Variants in TMEM74 observed in about 807,000 individuals in gnomAD.
TMEM74 encodes transmembrane protein 74.
Under a neutral mutation model 18.1 loss-of-function variants are expected in TMEM74, and 13 were observed. The ratio of observed to expected loss-of-function variants is 0.72; its 90% confidence interval spans 0.47 to 1.14. The LOEUF (loss-of-function observed/expected upper bound fraction) is 1.14, where lower values mean the gene tolerates loss of function less well. TMEM74 is among the 50% of genes most tolerant of loss of function. The pLI is 0.00. For synonymous variants in TMEM74, 159 were observed against 146.6 expected, an observed-to-expected ratio of 1.08 and a Z score of -0.61; for missense variants, 372 against 375.9, an observed-to-expected ratio of 0.99 and a Z score of 0.09.
At chr8:108,657,883 T>TATATATATATATATATATATTAATTAC (rs1812859508) in intron 1 of TMEM74, among the ~76,000 whole-genome samples, 1 of 113,804 alleles carries the variant, frequency 8.8e-6, no homozygotes, top group Non-Finnish European at 1.8e-5. Flanking sequence ...TATATATATA[T>TATATATATATATATATATATTAATTAC]ATATATATAT....
At position 108,643,759 on chromosome 8, in the gene TMEM74, GA is replaced by G. The variant is rs71564013; in HGVS notation, n.264+11533del. Reference sequence around the variant, plus strand: ...CATATCCCATTCACAATAGACAAAAGAAAAAAAAAACAACCTAGGAATACCT... The same window carrying G: ...CATATCCCATTCACAATAGACAAAAGAAAAAAAAACAACCTAGGAATACCT... On this transcript the variant is annotated intron_variant and non_coding_transcript_variant, in intron 2 of 3. Coordinates refer to the TMEM74 transcript ENST00000518838. 1.8e-4 allele frequency among the ~76,000 whole-genome samples: 25 copies of G among 142,816 alleles called. No individual in the cohort carries two copies. In the East Asian group the frequency reaches 2.5e-3, roughly 14 times the overall value. The allele number at this position is 142,816 out of a possible 152,430, so 93.7% of individuals were successfully genotyped here. A position where few individuals can be genotyped will look rare whatever the true frequency, so the allele number is the denominator to read the frequency against.
At chr8:108,764,426 G>A (rs77680505) in intron 1 of TMEM74, among the ~76,000 whole-genome samples, 2,740 of 152,234 alleles carry the variant, frequency 0.018, 90 homozygotes, top group African/African-American at 0.062. Context: ...GGGTTAAAAA[G>A]GTGAGAATAA....
At chr8:108,652,945 G>T (rs753998768) in intron 2 of TMEM74, 7 of 311,216 alleles carry the variant, frequency 2.2e-5, no homozygotes, top group Non-Finnish European at 3.8e-5. Flanking sequence ...CTAGCGACTT[G>T]CTAGACATAA....
Position 108,748,205 on chromosome 8 carries a change from C to T in TMEM74, n.119+39271G>A, listed in dbSNP as rs12886672. ...TCTGTGTAAAAGTGTTGCTTTTTCT[C>T]CACTACCTCACTAAGCACCTGTTGT... On this transcript the variant is annotated intron_variant and non_coding_transcript_variant, in intron 1 of 3. Coordinates refer to the TMEM74 transcript ENST00000518838. Among the ~76,000 whole-genome samples, 806 of 152,228 alleles carry T rather than the reference C, an allele frequency of 5.3e-3. 7 individuals carry two copies. Among genetic ancestry groups the T allele is most frequent in the African/African-American group, 0.019 (779 of 41,548 alleles).
rs80220463 is a variant in TMEM74, at chr8:108,627,306, C to T, written n.265-18480G>A. Reference sequence around the variant, plus strand: ...TATGGTATCCAGCTCCTGTGGGCATCTATGCCATCTGGGAAATGATCTATA... The same window carrying T: ...TATGGTATCCAGCTCCTGTGGGCATTTATGCCATCTGGGAAATGATCTATA... On this transcript the variant is annotated intron_variant and non_coding_transcript_variant, in intron 2 of 3. Coordinates refer to the TMEM74 transcript ENST00000518838. 7.2e-3 allele frequency among the ~76,000 whole-genome samples: 1,089 copies of T among 152,066 alleles called. 19 individuals carry two copies. Among genetic ancestry groups the T allele is most frequent in the African/African-American group, 0.024 (989 of 41,538 alleles).
intron 1 of TMEM74, among the ~76,000 whole-genome samples, chr8:108,770,026 C>CT (rs1389322829): frequency 5.9e-5 from 9 of 151,648 alleles, no homozygotes; most frequent in African/African-American, 2.2e-4. Flanking sequence ...CATATCTTAG[C>CT]TTTTTATTGC....
At chr8:108,629,862 A>G (rs1019973471) in intron 2 of TMEM74, among the ~76,000 whole-genome samples, 1 of 152,138 alleles carries the variant, frequency 6.6e-6, no homozygotes, top group Non-Finnish European at 1.5e-5. Context: ...AAAAACTGGT[A>G]CCAGCCACTG....
chr8:108,723,394 G>A (rs1025704846), intron 1 of TMEM74, among the ~76,000 whole-genome samples: 7 of 152,204 alleles, frequency 4.6e-5, no homozygotes, highest in South Asian at 2.1e-4. Flanking sequence ...AACCTTCAGT[G>A]GCTGACCAAG....
chr8:108,635,943 C>G (rs1327805996), intron 2 of TMEM74, among the ~76,000 whole-genome samples: 7 of 152,076 alleles, frequency 4.6e-5, no homozygotes, highest in Admixed American at 4.6e-4. Context: ...TCCTTTCCTT[C>G]ATTCCTTGAT....
rs144570706 is a variant in TMEM74 at position 108,691,497 on chromosome 8, A to G, written n.120-36060T>C. Among the ~76,000 whole-genome samples, 422 of 152,360 alleles carry G rather than the reference A, an allele frequency of 2.8e-3. 3 individuals are homozygous for G. Among genetic ancestry groups the G allele is most frequent in the African/African-American group, 9.4e-3 (392 of 41,582 alleles). On this transcript the variant is annotated intron_variant and non_coding_transcript_variant, in intron 1 of 3. Coordinates refer to the TMEM74 transcript ENST00000518838. ...AAGATCTGAAGTTCGCAATGACTTC[A>G]GCAGATCTGAACTGATAAGTATTAT...
intron 1 of TMEM74, among the ~76,000 whole-genome samples, chr8:108,662,924 T>C (rs1188598716): frequency 1.3e-5 from 2 of 152,130 alleles, no homozygotes; most frequent in Non-Finnish European, 2.9e-5. Flanking sequence ...TCTATTCACA[T>C]GGGGTGTAGC....
At chr8:108,725,612 AGACAGGTAT>A (rs1267486175) in intron 1 of TMEM74, among the ~76,000 whole-genome samples, 1 of 152,194 alleles carries the variant, frequency 6.6e-6, no homozygotes, top group Non-Finnish European at 1.5e-5. Context: ...AGCTATCCTA[AGACAGGTAT>A]GTAGTTTCTG....
intron 2 of TMEM74, among the ~76,000 whole-genome samples, chr8:108,649,433 AT>A (rs1201352350): frequency 6.6e-6 from 1 of 152,132 alleles, no homozygotes; most frequent in African/African-American, 2.4e-5. Flanking sequence ...AATAACTCTT[AT>A]TTATTGTTTG....
In TMEM74 at chr8:108,773,316, T is replaced by C. The variant is rs538606773; in HGVS notation, n.119+14160A>G. Among the ~76,000 whole-genome samples the C allele has an allele frequency of 5.9e-5, 9 of 152,088 alleles. No individual in the cohort carries two copies. In the South Asian group the frequency reaches 1.9e-3, roughly 32 times the overall value. On this transcript the variant is annotated intron_variant and non_coding_transcript_variant, in intron 1 of 3. Coordinates refer to the TMEM74 transcript ENST00000518838. ...AGATCAAATTCAACACTCTCATCAA[T>C]ATATCCTAAAAAAAGATACAGTTAA...
At chr8:108,754,108 C>T (rs1415352357) in intron 1 of TMEM74, among the ~76,000 whole-genome samples, 3 of 152,048 alleles carry the variant, frequency 2.0e-5, no homozygotes, top group African/African-American at 7.2e-5. Context: ...TAATACACAT[C>T]TTTAAATTAT....
At chr8:108,739,960 G>T (rs917488077) in intron 1 of TMEM74, among the ~76,000 whole-genome samples, 12 of 152,122 alleles carry the variant, frequency 7.9e-5, no homozygotes, top group African/African-American at 2.7e-4. Flanking sequence ...AGCTCTGGGA[G>T]CCCACACTAT....
intron 1 of TMEM74, among the ~76,000 whole-genome samples, chr8:108,735,244 A>G (rs1813736634): frequency 1.3e-5 from 2 of 152,252 alleles, no homozygotes; most frequent in African/African-American, 4.8e-5. Context: ...ATTTAATTGT[A>G]TAATTCAATG....
chr8:108,619,291 AG>A (rs745589492), intron 2 of TMEM74, among the ~76,000 whole-genome samples: 1 of 152,220 alleles, frequency 6.6e-6, no homozygotes, highest in South Asian at 2.1e-4. Flanking sequence ...AATTTTTAAA[AG>A]TCCAAGAATA....
intron 1 of TMEM74, among the ~76,000 whole-genome samples, chr8:108,714,260 T>C (rs929263504): frequency 6.6e-6 from 1 of 152,182 alleles, no homozygotes; most frequent in African/African-American, 2.4e-5. Flanking sequence ...GGTAAAAATG[T>C]ATAGATATTC....
Sources: allele counts gnomAD v4.1 joint callset (sites outside exome capture counted in the v4.1 genomes callset), GRCh38; gene constraint gnomAD v4.1.1; transcripts MANE v1.5; gene names NCBI Gene and HGNC (gene_info 2026-07-23, HGNC 2026-07-21).